The following MED24 variants were observed in gnomAD, a reference collection of about 807,000 sequenced individuals.
MED24 encodes mediator of RNA polymerase II transcription subunit 24.
Under a neutral mutation model 118.8 loss-of-function variants are expected in MED24, and 74 were observed. The observed-to-expected ratio is 0.62, with a 90% CI of 0.52 to 0.76. The LOEUF is 0.76. MED24 is among the 30% of genes least tolerant of loss of function. The pLI, the probability that MED24 is intolerant of heterozygous loss-of-function variation, is 0.00. For missense variants in MED24, 1,041 were observed against 1,278.9 expected, an observed-to-expected ratio of 0.81 and a Z score of 2.84; for synonymous variants, 521 against 523.9, an observed-to-expected ratio of 0.99 and a Z score of 0.08.
intron 22 of MED24, 97 bp from the exon 23 acceptor site, chr17:40,022,151 A>T (rs1424815553): frequency 1.0e-5 from 11 of 1,057,390 alleles, no homozygotes; most frequent in African/African-American, 4.8e-5. Context: ...CGAGGTCAGC[A>T]TGGCTAGCAG....
rs765268393 is a variant in MED24, at chr17:40,021,967, G to C, written c.2611C>G (p.Leu871Val). 5 of 1,603,054 alleles carry C rather than the reference G, an allele frequency of 3.1e-6. No homozygotes were observed. The highest frequency in any genetic ancestry group is 1.7e-5 in the Admixed American group (1 of 57,792). ...LSSNEDDANI[L>V]SSPTDRSMSS... ...CCCACACACTCACTGGGGCTCGAAA[G>C]GATGTTGGCATCGTCCTCATTAGAG... is the stretch of plus-strand genomic sequence containing the variant. Residue 871 changes from leucine to valine, a missense_variant, in exon 23 of 26, where the codon CTT becomes GTT. Leu to Val is a conservative substitution (Grantham distance 32). Around this residue, in one of 3 missense-constraint regions of MED24, gnomAD observed 587 missense variants for 694.4 expected, o/e 0.85. Coordinates refer to ENST00000394128, the MANE Select transcript of MED24 (RefSeq NM_014815.4).
Position 40,019,841 on chromosome 17 carries a change from C to A in MED24, c.2797G>T (p.Asp933Tyr), listed in dbSNP as rs1466585718. Reference protein sequence around the residue: ...FVQWFMEECVDCLEQGGRGSV... With the variant: ...FVQWFMEECVYCLEQGGRGSV... ...CCACGGCCACCCTGCTCCAGGCAGTCCACACACTCCTCCATGAACCACTGC... is the reference window on the plus strand; with the variant it reads ...CCACGGCCACCCTGCTCCAGGCAGTACACACACTCCTCCATGAACCACTGC... The change falls in exon 25 of 26, where the codon GAC (aspartate) becomes TAC (tyrosine). Residue 933 changes from aspartate to tyrosine, a missense_variant. Transcript: ENST00000394128. 7 of 1,599,140 alleles carry A rather than the reference C, an allele frequency of 4.4e-6. No homozygotes were observed. Among genetic ancestry groups the A allele is most frequent in the South Asian group, 1.1e-5 (1 of 89,084 alleles).
intron 13 of MED24, among the ~76,000 whole-genome samples, chr17:40,029,311 G>A (rs1178309830): frequency 1.3e-5 from 2 of 152,106 alleles, no homozygotes; most frequent in African/African-American, 4.8e-5. Context: ...CGATTCTCCT[G>A]CCTCAGCCTC....
At chr17:40,052,262 C>T (rs1282436513) in intron 3 of MED24, among the ~76,000 whole-genome samples, 2 of 152,194 alleles carry the variant, frequency 1.3e-5, no homozygotes, top group Non-Finnish European at 2.9e-5. Flanking sequence ...CACTGCACTC[C>T]AGCCTGGGCG....
intron 3 of MED24, among the ~76,000 whole-genome samples, chr17:40,041,162 T>C (rs72834789): frequency 0.11 from 17,423 of 152,228 alleles, 1,102 homozygotes; most frequent in Non-Finnish European, 0.13. Flanking sequence ...TTAAGGTCAT[T>C]GACAAACTCT....
intron 24 of MED24, 99 bp downstream of exon 24, chr17:40,020,174 C>T (rs942096545): frequency 4.0e-6 from 5 of 1,242,026 alleles, no homozygotes; most frequent in African/African-American, 1.5e-5. Context: ...GGAGGGGCAC[C>T]GCAAGGCCCC....
chr17:40,023,006 C>T (rs1982218204), intron 20 of MED24, 125 bp downstream of exon 20: 6 of 1,394,564 alleles, frequency 4.3e-6, no homozygotes, highest in Middle Eastern at 2.5e-4. Context: ...AACTCTGAGG[C>T]GAGGCATTCC....
At chr17:40,032,119 G>T (rs1218301665) in intron 9 of MED24, 29 bp from the exon 10 acceptor site, 2 of 1,610,572 alleles carry the variant, frequency 1.2e-6, no homozygotes, top group Non-Finnish European at 1.7e-6. Flanking sequence ...GGAAAAACAG[G>T]AAGATCCATT....
Position 40,027,919 on chromosome 17 carries a change from G to T in MED24, c.1437C>A (p.Ser479Arg). Residue 479 changes from serine (S) to arginine (R), a missense_variant, in exon 15 of 26, where the codon AGC becomes AGA. Transcript: ENST00000394128. ...INLNEFTTYGSEESTKPASVR... is the reference protein window; with the variant it reads ...INLNEFTTYGREESTKPASVR... ...ACAGGGCTGACTTACTGCTTTCTTC[G>T]CTGCCATAGGTTGTGAATTCATTCA... 6.2e-7 allele frequency: 1 copy of T among 1,613,548 alleles called. No individual in the cohort carries two copies.
Position 40,022,938 on chromosome 17 carries a change from A to T in MED24, c.2251-112T>A. ...GTAAGGCCCGCAGAGGGGGCCCCAG[A>T]TGTTGCTCCGCCCCTCAGGCTGAAT... is the stretch of plus-strand genomic sequence containing the variant. On this transcript the variant is annotated intron_variant, in intron 20 of 25. Transcript: ENST00000394128. 1.2e-5 allele frequency: 17 copies of T among 1,383,320 alleles called. 1 individual carries two copies. In the South Asian group the frequency reaches 2.3e-4, roughly 19 times the overall value. The allele number at this position is 1,383,320 out of a possible 1,614,324, so 85.7% of individuals were successfully genotyped here.
Position 40,023,273 on chromosome 17 carries a change from G to C in MED24, c.2108C>G (p.Pro703Arg), listed in dbSNP as rs780526993. The change falls in exon 20 of 26, where the codon CCC becomes CGC. Residue 703 changes from proline to arginine, a missense_variant. Physicochemically the swap from Pro to Arg is moderately radical, Grantham distance 103 (BLOSUM62 -2). Around this residue, in one of 3 missense-constraint regions of MED24, gnomAD observed 587 missense variants for 694.4 expected, o/e 0.85. Coordinates refer to ENST00000394128, the MANE Select transcript of MED24 (RefSeq NM_014815.4). The stretch of plus-strand genomic sequence containing the variant: ...CAGCACCTCTTTGATGGGCCGCTTG[G>C]GGGGCAGCAGGTTCCAGTAGGGCAT... ...DTMPYWNLLPPKRPIKEVLTD... is the reference protein window; with the variant it reads ...DTMPYWNLLPRKRPIKEVLTD... 35 of 1,614,010 alleles carry C rather than the reference G, an allele frequency of 2.2e-5. No individual in the cohort carries two copies. The African/African-American group carries it at 3.2e-4, about 15-fold the overall frequency.
chr17:40,021,973 TG>T lies in MED24; in HGVS notation c.2604del (p.Asn869ThrfsTer11). 6.2e-7 allele frequency: 1 copy of T among 1,604,790 alleles called. No homozygotes were observed. Among genetic ancestry groups the T allele is most frequent in the South Asian group, 1.1e-5 (1 of 89,958 alleles). On this transcript the variant is annotated frameshift_variant, in exon 23 of 26. Transcript: ENST00000394128. LOFTEE classifies it high-confidence loss of function. Reference protein sequence around the residue: ...MRLLSSNEDDANILSSPTDRS... With the variant: ...MRLLSSNEDDXNILSSPTDRS... The stretch of plus-strand genomic sequence containing the variant: ...CACTCACTGGGGCTCGAAAGGATGT[TG>T]GCATCGTCCTCATTAGAGCTCAGCA...
intron 3 of MED24, among the ~76,000 whole-genome samples, chr17:40,036,457 G>A (rs1983942902): frequency 6.6e-6 from 1 of 152,162 alleles, no homozygotes; most frequent in Non-Finnish European, 1.5e-5. Flanking sequence ...TTGGGAGGCC[G>A]AGGCGGGCGG....
At chr17:40,039,736 A>C (rs1294437378) in intron 3 of MED24, among the ~76,000 whole-genome samples, 2 of 149,818 alleles carry the variant, frequency 1.3e-5, no homozygotes, top group Non-Finnish European at 3.0e-5. Flanking sequence ...CTCCCACCTC[A>C]GCCTCCTAAG....
At chr17:40,022,530 G>C (rs374642568) in intron 21 of MED24, 46 bp from the exon 22 acceptor site, 10 of 1,592,558 alleles carry the variant, frequency 6.3e-6, no homozygotes, top group Non-Finnish European at 8.6e-6. Context: ...AGGTGCCCCA[G>C]GAGCTTTCTG....
At chr17:40,045,723 C>A (rs1159215408) in intron 3 of MED24, among the ~76,000 whole-genome samples, 2 of 152,152 alleles carry the variant, frequency 1.3e-5, no homozygotes, top group African/African-American at 4.8e-5. Flanking sequence ...CTGCAGTGAG[C>A]CACTATTGTG....
rs547376972 is a variant in MED24, at chr17:40,020,474, G to A, written c.2624-121C>T. 19 of 1,542,410 alleles carry A rather than the reference G, an allele frequency of 1.2e-5. No individual in the cohort carries two copies. The African/African-American group carries it at 1.6e-4, about 13-fold the overall frequency. On this transcript the variant is annotated intron_variant, in intron 23 of 25. Transcript: ENST00000394128. ...AGGTAACTGGTACATGGAGAGCCCA[G>A]AGAAGACCCTGAGATCAAGAGCACA... is the stretch of plus-strand genomic sequence containing the variant.
intron 14 of MED24, 93 bp downstream of exon 14, chr17:40,028,730 AGAC>A (rs913757398): frequency 1.3e-6 from 2 of 1,526,574 alleles, no homozygotes; most frequent in Middle Eastern, 2.4e-4. Flanking sequence ...TCTCTGGATG[AGAC>A]CCAGACCCAG....
Position 40,019,335 on chromosome 17 carries a change from G to A in MED24, c.*194C>T, listed in dbSNP as rs1981655521. 1.7e-6 allele frequency: 1 copy of A among 591,884 alleles called. No homozygotes were observed. Among genetic ancestry groups the A allele is most frequent in the South Asian group, 2.0e-5 (1 of 49,296 alleles). 36.7% of individuals were successfully genotyped at this position (591,884 alleles called of 1,614,324 possible). ...TCCTCAGGTGCCAGCAGATGGAGAG[G>A]AAATTTTGAAAGAAGAAACCGGGAG... On this transcript the variant is annotated 3_prime_UTR_variant, in exon 26 of 26. Coordinates refer to ENST00000394128, the MANE Select transcript of MED24 (RefSeq NM_014815.4).
Sources: gnomAD v4.1 joint callset for allele counts (sites outside exome capture counted in the v4.1 genomes callset) on GRCh38, gnomAD v4.1.1 for gene constraint, gnomAD v4.1.1 regional missense constraint, MANE v1.5 for transcripts, NCBI Gene and HGNC (gene_info 2026-07-23, HGNC 2026-07-21) for gene names.